The following FANCD2 variants were observed in gnomAD, a reference collection of about 807,000 sequenced individuals.
FANCD2 encodes the protein Fanconi anemia group D2 protein.
In FANCD2, 131 loss-of-function variants were observed where a neutral mutation model predicts 192.3. The observed-to-expected ratio is 0.68, with a 90% CI of 0.59 to 0.79. The LOEUF is 0.79. FANCD2 is among the 30% of genes least tolerant of loss of function. FANCD2 has a pLI of 0.00. For synonymous variants in FANCD2, 524 were observed against 612.5 expected (o/e 0.86, Z 2.13); for missense variants, 1,508 against 1,701.6 (o/e 0.89, Z 2.00).
chr3:10,062,744 T>C (rs2087605337), intron 20 of FANCD2, among the ~76,000 whole-genome samples: 3 of 151,998 alleles, frequency 2.0e-5, no homozygotes, highest in Admixed American at 1.3e-4. Flanking sequence ...GAGTCTCAAC[T>C]CTGTCGCCAA....
chr3:10,058,599 A>T (rs2087479770), intron 18 of FANCD2, among the ~76,000 whole-genome samples: 1 of 152,184 alleles, frequency 6.6e-6, no homozygotes, highest in Non-Finnish European at 1.5e-5. Context: ...TGTTGAGAAG[A>T]TGGTCCTTTC....
chr3:10,067,421 A>G, intron 26 of FANCD2, 104 bp downstream of exon 26: 1 of 725,410 alleles, frequency 1.4e-6, no homozygotes, highest in South Asian at 1.6e-5. Context: ...ACATCAAAAA[A>G]AGAAATCTCA....
intron 18 of FANCD2, among the ~76,000 whole-genome samples, chr3:10,054,452 T>TAC (rs1481421432): frequency 0.041 from 946 of 22,942 alleles, 39 homozygotes; most frequent in African/African-American, 0.14. Flanking sequence ...TATACATATA[T>TAC]ATATATATAT....
chr3:10,043,514 G>C lies in FANCD2; in HGVS notation c.1020G>C (p.Gln340His), dbSNP rs1475466930. 2 of 1,613,852 alleles carry C rather than the reference G, an allele frequency of 1.2e-6. No individual in the cohort carries two copies. Among genetic ancestry groups the C allele is most frequent in the South Asian group, 2.2e-5 (2 of 91,072 alleles). The change falls in exon 13 of 44, where the codon CAG becomes CAC. Residue 340 changes from glutamine to histidine, a missense_variant. Coordinates refer to ENST00000675286, the MANE Select transcript of FANCD2 (RefSeq NM_001018115.3). ...SSSGNQESSG[Q>H]SCIILLFDVI... ...CAGGAAATCAAGAAAGCAGCGGTCA[G>C]AGCTGTATTATTCTCCTCTTTGATG... is the stretch of plus-strand genomic sequence containing the variant.
At chr3:10,062,873 C>T (rs529220545) in intron 20 of FANCD2, among the ~76,000 whole-genome samples, 16 of 152,084 alleles carry the variant, frequency 1.1e-4, no homozygotes, top group African/African-American at 3.9e-4. Flanking sequence ...TTAGTAGAGA[C>T]GGGGTTTCAC....
chr3:10,039,873 G>A (rs747616219), intron 9 of FANCD2, 28 bp downstream of exon 9: 2 of 1,613,794 alleles, frequency 1.2e-6, no homozygotes, highest in South Asian at 1.1e-5. Flanking sequence ...CATCATCTAA[G>A]TGAGGCTCAG....
At chr3:10,058,076 T>C in intron 18 of FANCD2, 1 of 497,444 alleles carries the variant, frequency 2.0e-6, no homozygotes, top group Non-Finnish European at 3.8e-6. Context: ...CTTCTTGGGA[T>C]TCTCCAAATA....
chr3:10,092,217 G>C lies in FANCD2; in HGVS notation c.3814G>C (p.Val1272Leu), dbSNP rs779166407. ...GAAACTCCTCTACTGGAACATGGCT[G>C]TTCGAGACTTCAGTATCCTCATCAA... is the stretch of plus-strand genomic sequence containing the variant. ...EEKLLYWNMA[V>L]RDFSILINLI... Residue 1272 changes from valine (V) to leucine (L), a missense_variant, in exon 38 of 44, where the codon GTT becomes CTT. Val to Leu is a conservative substitution (Grantham distance 32). Transcript: ENST00000675286. 3.1e-6 allele frequency: 5 copies of C among 1,614,002 alleles called. No homozygotes were observed. In the East Asian group the frequency reaches 1.1e-4, roughly 36 times the overall value.
At chr3:10,046,354 G>A in intron 14 of FANCD2, 1 of 590,062 alleles carries the variant, frequency 1.7e-6, no homozygotes, top group Middle Eastern at 5.4e-4. Flanking sequence ...TGCCTGGCCT[G>A]CTCTGTATTC....
intron 9 of FANCD2, 192 bp from the exon 10 acceptor site, chr3:10,041,431 A>G: frequency 1.9e-6 from 1 of 522,642 alleles, no homozygotes; most frequent in Non-Finnish European, 3.5e-6. Context: ...TATTATTTGA[A>G]TTTTTATAAT....
rs1487671443 is a variant in FANCD2, at chr3:10,064,755, T to C, written c.2048T>C (p.Leu683Pro). 6.8e-6 allele frequency: 11 copies of C among 1,614,168 alleles called. No individual in the cohort carries two copies. The highest frequency in any genetic ancestry group is 1.3e-5 in the African/African-American group (1 of 75,078). Residue 683 changes from leucine (L) to proline (P), a missense_variant, in exon 23 of 44, where the codon CTG (leucine) becomes CCG (proline). Physicochemically the swap from Leu to Pro is moderately conservative, Grantham distance 98. This residue lies in a region of FANCD2 where 59 missense variants were observed against 111.9 expected (regional missense o/e 0.53). Transcript: ENST00000675286. ...EGDFPFPVKA[L>P]YGLEEYDTQD... ...GACTTTCCATTTCCTGTGAAAGCACTGTACGGACTGGAAGAATACGACACT... is the reference window on the plus strand; with the variant it reads ...GACTTTCCATTTCCTGTGAAAGCACCGTACGGACTGGAAGAATACGACACT...
At chr3:10,061,052 A>G (rs2087554443) in intron 19 of FANCD2, among the ~76,000 whole-genome samples, 1 of 152,194 alleles carries the variant, frequency 6.6e-6, no homozygotes. Flanking sequence ...GCCTTTTTTC[A>G]TGGTGCAGGA....
intron 18 of FANCD2, among the ~76,000 whole-genome samples, chr3:10,057,641 G>A (rs2087453315): frequency 6.6e-6 from 1 of 152,118 alleles, no homozygotes; most frequent in African/African-American, 2.4e-5. Context: ...GTGATTACAG[G>A]CATGAGCTAC....
At chr3:10,065,724 G>A (rs1461163950) in intron 24 of FANCD2, 140 bp from the exon 25 acceptor site, 7 of 716,378 alleles carry the variant, frequency 9.8e-6, no homozygotes, top group Non-Finnish European at 1.8e-5. Flanking sequence ...TATATGATAT[G>A]CAAATATTTT....
chr3:10,092,993 C>T lies in FANCD2; in HGVS notation c.3850-292C>T, dbSNP rs1012850046. On this transcript the variant is annotated intron_variant, in intron 38 of 43. Coordinates refer to ENST00000675286, the MANE Select transcript of FANCD2 (RefSeq NM_001018115.3). ...AGGCATGAGCCAGCATGCCCAGCCT[C>T]ATCCAGTCTTTCTTAAGTCTTCAGA... Among the ~76,000 whole-genome samples, 18 of 152,242 alleles carry T rather than the reference C, an allele frequency of 1.2e-4. 1 individual carries two copies. Among genetic ancestry groups the T allele is most frequent in the Middle Eastern group, 6.8e-3 (2 of 294 alleles).
chr3:10,091,011 A>G (rs1195314962), intron 37 of FANCD2, among the ~76,000 whole-genome samples: 1 of 151,938 alleles, frequency 6.6e-6, no homozygotes, highest in Non-Finnish European at 1.5e-5. Flanking sequence ...GCTAACCAGA[A>G]CGGAGCTAGA....
intron 2 of FANCD2, among the ~76,000 whole-genome samples, chr3:10,031,262 G>T (rs1182979939): frequency 6.6e-6 from 1 of 152,166 alleles, no homozygotes; most frequent in Non-Finnish European, 1.5e-5. Context: ...CCAGCACTTT[G>T]GGTGGCCAAG....
chr3:10,051,294 T>G (rs1315199068), intron 17 of FANCD2, among the ~76,000 whole-genome samples: 1 of 141,538 alleles, frequency 7.1e-6, no homozygotes, highest in African/African-American at 2.6e-5. Context: ...GGCAGGAGAA[T>G]GGCGTGAACC....
At chr3:10,095,878 A>ATTTTTTTTTT (rs397950663) in intron 41 of FANCD2, among the ~76,000 whole-genome samples, 3 of 125,774 alleles carry the variant, frequency 2.4e-5, no homozygotes, top group Non-Finnish European at 3.3e-5. Flanking sequence ...CTGAACAGTG[A>ATTTTTTTTTT]TTTTTTTTTT....
Sources: allele counts gnomAD v4.1 joint callset (sites outside exome capture counted in the v4.1 genomes callset), GRCh38; gene constraint gnomAD v4.1.1; regional missense constraint gnomAD v4.1.1; transcripts MANE v1.5; gene names NCBI Gene and HGNC (gene_info 2026-07-23, HGNC 2026-07-21).